The following TRAF2 variants were observed in gnomAD, a reference collection of about 807,000 sequenced individuals.
TRAF2 encodes the protein TNF receptor-associated factor 2.
In TRAF2, 6 loss-of-function variants were observed where a neutral mutation model predicts 55.6. The ratio of observed to expected loss-of-function variants is 0.11; its 90% CI spans 0.06 to 0.21. TRAF2 has a LOEUF of 0.21. Among genes scored for constraint, TRAF2 ranks in the 10% least tolerant of loss-of-function variants. The pLI is 1.00. For missense variants in TRAF2, 561 were observed against 684.5 expected (o/e 0.82, Z 2.01); for synonymous variants, 329 against 276.3 (o/e 1.19, Z -1.89).
intron 6 of TRAF2, among the ~76,000 whole-genome samples, chr9:136,910,357 C>T (rs933677625): frequency 6.6e-6 from 1 of 152,178 alleles, no homozygotes; most frequent in African/African-American, 2.4e-5. Flanking sequence ...TTGCAGCAAG[C>T]GGTTGGGGTG....
Position 136,895,770 on chromosome 9 carries a change from AC to A in TRAF2, c.-28-2940del, listed in dbSNP as rs1849666418. 2.7e-5 allele frequency among the ~76,000 whole-genome samples: 4 copies of A among 149,402 alleles called. No homozygotes were observed. The Admixed American group carries it at 2.7e-4, about 10-fold the overall frequency. ...AGGCTGAAGCATGAGAATTGCTTGA[AC>A]CCAGGAGGTGGAGGTTGCAGTGACA... On this transcript the variant is annotated intron_variant, in intron 1 of 10. Transcript: ENST00000247668.
Position 136,923,911 on chromosome 9 carries a change from G to A in TRAF2, c.1198G>A (p.Gly400Ser), listed in dbSNP as rs1433039502. 5 of 1,613,976 alleles carry A rather than the reference G, an allele frequency of 3.1e-6. No homozygotes were observed. Among genetic ancestry groups the A allele is most frequent in the African/African-American group, 1.3e-5 (1 of 75,018 alleles). Reference protein sequence around the residue: ...MCLRIYLNGDGTGRGTHLSLF... With the variant: ...MCLRIYLNGDSTGRGTHLSLF... ...TCTGCGTATCTACCTGAACGGCGAC[G>A]GCACCGGGCGAGGAACACACCTGTC... Residue 400 changes from glycine to serine, a missense_variant, in exon 10 of 11, where the codon GGC becomes AGC. Gly to Ser is a moderately conservative substitution (Grantham distance 56, BLOSUM62 0). Coordinates refer to ENST00000247668, the MANE Select transcript of TRAF2 (RefSeq NM_021138.4).
chr9:136,909,653 T>A (rs1318707890), intron 5 of TRAF2, among the ~76,000 whole-genome samples: 1 of 152,212 alleles, frequency 6.6e-6, no homozygotes, highest in African/African-American at 2.4e-5. Flanking sequence ...GGCCGTTGTT[T>A]CACGTGGCTT....
upstream of TRAF2, among the ~76,000 whole-genome samples, chr9:136,884,943 G>C (rs574584546): frequency 6.6e-6 from 1 of 152,230 alleles, no homozygotes; most frequent in African/African-American, 2.4e-5. Flanking sequence ...GCCTTCTTAC[G>C]TTTGAGAGCT....
At chr9:136,923,710 A>G (rs1422211046) in intron 9 of TRAF2, 142 bp from the exon 10 acceptor site, 3 of 669,596 alleles carry the variant, frequency 4.5e-6, no homozygotes, top group African/African-American at 3.5e-5. Context: ...GTTTGAGGGA[A>G]AAAAAACTTT....
At chr9:136,918,836 A>G (rs1274964145) in intron 7 of TRAF2, among the ~76,000 whole-genome samples, 1 of 151,574 alleles carries the variant, frequency 6.6e-6, no homozygotes, top group East Asian at 1.9e-4. Context: ...CCTGGGTTCA[A>G]GTACTCTCCT....
intron 1 of TRAF2, 96 bp downstream of exon 1, chr9:136,886,637 C>A: frequency 2.3e-6 from 2 of 859,514 alleles, no homozygotes; most frequent in Non-Finnish European, 2.8e-6. Context: ...GGGCACCTCT[C>A]AGGGAGACTC....
rs566520012 is a variant in TRAF2 at position 136,901,770 on chromosome 9, G to A, written c.366+1250G>A. Among the ~76,000 whole-genome samples the A allele has an allele frequency of 7.9e-5, 12 of 152,238 alleles. No homozygotes were observed. The South Asian group carries it at 1.9e-3, about 24-fold the overall frequency. ...CAGAGCTGGGATCTCCTGCTCAGCC[G>A]GACCCTGGGGTGTTACCGGCTGGGT... On this transcript the variant is annotated intron_variant, in intron 4 of 10. Coordinates refer to ENST00000247668, the MANE Select transcript of TRAF2 (RefSeq NM_021138.4).
At position 136,898,477 on chromosome 9, in the gene TRAF2, C is replaced by T. The variant is rs1302671639; in HGVS notation, c.-28-236C>T. ...AGCTGTGGGTTGGTTGTGTGGATGC[C>T]AGCTGTGTGGTCCCCAGCCTCACTG... On this transcript the variant is annotated intron_variant, in intron 1 of 10. Transcript: ENST00000247668. The T allele has an allele frequency of 1.1e-5, 7 of 654,970 alleles. No homozygotes were observed. The East Asian group carries it at 9.6e-4, about 89-fold the overall frequency. The allele number at this position is 654,970 out of a possible 1,614,324, so 40.6% of individuals were successfully genotyped here. A position where few individuals can be genotyped will look rare whatever the true frequency, so the allele number is the denominator to read the frequency against.
At chr9:136,909,061 T>A (rs1020486388) in intron 5 of TRAF2, among the ~76,000 whole-genome samples, 22 of 151,628 alleles carry the variant, frequency 1.5e-4, no homozygotes, top group Admixed American at 3.3e-4. Context: ...AGAAAAAAAA[T>A]TTTTAAAAAA....
At chr9:136,893,400 GTGAC>G (rs1193703824) in intron 1 of TRAF2, among the ~76,000 whole-genome samples, 2 of 152,252 alleles carry the variant, frequency 1.3e-5, no homozygotes, top group Non-Finnish European at 2.9e-5. Flanking sequence ...GGGCAGACAG[GTGAC>G]TGACAGTCTC....
chr9:136,900,197 C>T (rs1849785013), intron 3 of TRAF2, among the ~76,000 whole-genome samples: 1 of 150,020 alleles, frequency 6.7e-6, no homozygotes, highest in African/African-American at 2.5e-5. Flanking sequence ...AAAGGGCCGC[C>T]AGAAGTTGTC....
Position 136,908,184 on chromosome 9 carries a change from C to T in TRAF2, c.481C>T (p.Leu161=), listed in dbSNP as rs939409633. Residue 161 remains leucine, a synonymous_variant, in exon 5 of 11, where the codon CTG becomes TTG. Coordinates refer to ENST00000247668, the MANE Select transcript of TRAF2 (RefSeq NM_021138.4). ...GGAGCACGAGTGCCCGGAGAGAAGC[C>T]TGAGCTGCCGGCATTGCCGGGCACC... ...HLEHECPERS[L]SCRHCRAPCC... 16 of 1,600,942 alleles carry T rather than the reference C, an allele frequency of 1.0e-5. No homozygotes were observed. Among genetic ancestry groups the T allele is most frequent in the Non-Finnish European group, 1.4e-5 (16 of 1,179,662 alleles).
At chr9:136,903,347 C>T (rs191757428) in intron 4 of TRAF2, among the ~76,000 whole-genome samples, 11 of 152,280 alleles carry the variant, frequency 7.2e-5, no homozygotes, top group Admixed American at 4.6e-4. Flanking sequence ...CTGAGCTACT[C>T]GTTCTGGCAG....
chr9:136,888,087 T>C (rs976303023), intron 1 of TRAF2, among the ~76,000 whole-genome samples: 1 of 151,966 alleles, frequency 6.6e-6, no homozygotes. Flanking sequence ...GCCAGGCTGG[T>C]TTCAAACTCT....
chr9:136,919,253 G>T (rs1376767230), intron 7 of TRAF2, among the ~76,000 whole-genome samples: 1 of 143,176 alleles, frequency 7.0e-6, no homozygotes, highest in African/African-American at 2.6e-5. Flanking sequence ...TAGAGACAGG[G>T]TTTCACCATG....
intron 4 of TRAF2, among the ~76,000 whole-genome samples, chr9:136,903,975 C>T (rs1296530509): frequency 6.6e-6 from 1 of 152,178 alleles, no homozygotes; most frequent in Non-Finnish European, 1.5e-5. Flanking sequence ...AGCCACCGCG[C>T]CCAGCCAAGA....
chr9:136,886,646 T>G, intron 1 of TRAF2, 105 bp downstream of exon 1: 2 of 359,548 alleles, frequency 5.6e-6, no homozygotes, highest in Non-Finnish European at 7.1e-6. Flanking sequence ...TCAGGGAGAC[T>G]CCGGGCCGGA....
chr9:136,896,753 C>T (rs899347925), intron 1 of TRAF2, among the ~76,000 whole-genome samples: 3 of 152,028 alleles, frequency 2.0e-5, no homozygotes, highest in Non-Finnish European at 2.9e-5. Context: ...GGACTACAGG[C>T]GCCCGCCGCC....
Sources: allele counts gnomAD v4.1 joint callset (sites outside exome capture counted in the v4.1 genomes callset), GRCh38; gene constraint gnomAD v4.1.1; transcripts MANE v1.5; gene names NCBI Gene and HGNC (gene_info 2026-07-23, HGNC 2026-07-21).